CNTNAP2: variants seen among roughly 807,000 people sequenced by gnomAD.
CNTNAP2 encodes the protein contactin associated protein 2.
A neutral mutation model predicts 155.2 loss-of-function variants in CNTNAP2; 98 were observed. The ratio of observed to expected loss-of-function variants is 0.63; its 90% CI spans 0.54 to 0.75. The LOEUF (loss-of-function observed/expected upper bound fraction) is 0.75, where lower values mean the gene tolerates loss of function less well. Among genes scored for constraint, CNTNAP2 ranks in the 30% least tolerant of loss-of-function variants. The pLI is 0.00. For missense variants in CNTNAP2, 1,727 were observed against 1,688.1 expected, an observed-to-expected ratio of 1.02 and a Z score of -0.40; for synonymous variants, 651 against 631.2, an observed-to-expected ratio of 1.03 and a Z score of -0.47.
At chr7:148,127,589 C>T (rs1284637017) in intron 16 of CNTNAP2, among the ~76,000 whole-genome samples, 3 of 152,144 alleles carry the variant, frequency 2.0e-5, no homozygotes, top group East Asian at 3.9e-4. Flanking sequence ...AAGATGCAGC[C>T]TTATGCAATA....
chr7:148,077,608 C>T (rs1012302953), intron 15 of CNTNAP2, among the ~76,000 whole-genome samples: 2 of 152,090 alleles, frequency 1.3e-5, no homozygotes, highest in South Asian at 4.2e-4. Flanking sequence ...AGAATTAGTA[C>T]GTTGTTTGTT....
chr7:147,053,130 A>C (rs1292079992), intron 4 of CNTNAP2, among the ~76,000 whole-genome samples: 4 of 152,056 alleles, frequency 2.6e-5, no homozygotes, highest in African/African-American at 9.7e-5. Flanking sequence ...CTAATGATGA[A>C]AGTGCACATG....
rs113252544 is a variant in CNTNAP2, at chr7:147,039,684, A to G, written c.403-4223A>G. On this transcript the variant is annotated intron_variant, in intron 3 of 23. Coordinates refer to ENST00000361727, the MANE Select transcript of CNTNAP2 (RefSeq NM_014141.6). ...GAATGATTTATATTCCTCTGAGTATATTCCCCATAATGGGATTGCTGGGTC... is the reference window on the plus strand; with the variant it reads ...GAATGATTTATATTCCTCTGAGTATGTTCCCCATAATGGGATTGCTGGGTC... Among the ~76,000 whole-genome samples, 1,096 of 151,942 alleles carry G rather than the reference A, an allele frequency of 7.2e-3. 4 individuals carry two copies. Among genetic ancestry groups the G allele is most frequent in the Non-Finnish European group, 9.8e-3 (663 of 67,998 alleles).
chr7:147,035,050 T>G (rs1799127470), intron 3 of CNTNAP2, among the ~76,000 whole-genome samples: 2 of 152,164 alleles, frequency 1.3e-5, no homozygotes, highest in South Asian at 4.1e-4. Context: ...TCGCATTCTG[T>G]TTTGACCAGA....
At chr7:146,431,662 C>T (rs1291206732) in intron 1 of CNTNAP2, among the ~76,000 whole-genome samples, 2 of 151,908 alleles carry the variant, frequency 1.3e-5, no homozygotes, top group African/African-American at 2.4e-5. Context: ...GAGAAGACTG[C>T]GTTATCATAA....
intron 2 of CNTNAP2, among the ~76,000 whole-genome samples, chr7:146,779,605 A>G (rs1232383675): frequency 2.6e-5 from 4 of 152,162 alleles, no homozygotes; most frequent in African/African-American, 9.7e-5. Context: ...ACTAATGTAG[A>G]TCCTGAATAA....
At chr7:147,308,422 C>A (rs578078232) in intron 9 of CNTNAP2, among the ~76,000 whole-genome samples, 1 of 152,112 alleles carries the variant, frequency 6.6e-6, no homozygotes, top group African/African-American at 2.4e-5. Flanking sequence ...GAAAGAAAAT[C>A]GACTAGATTG....
At chr7:146,367,124 A>C (rs1795166934) in intron 1 of CNTNAP2, among the ~76,000 whole-genome samples, 1 of 152,184 alleles carries the variant, frequency 6.6e-6, no homozygotes, top group Non-Finnish European at 1.5e-5. Flanking sequence ...GCATGATTTC[A>C]TCCTTTAGCC....
intron 13 of CNTNAP2, among the ~76,000 whole-genome samples, chr7:147,833,944 G>A (rs891927214): frequency 6.6e-6 from 1 of 152,114 alleles, no homozygotes; most frequent in African/African-American, 2.4e-5. Context: ...GTGAACAAGA[G>A]GGAGGGGACG....
intron 1 of CNTNAP2, among the ~76,000 whole-genome samples, chr7:146,630,176 A>G (rs915187828): frequency 6.6e-6 from 1 of 151,760 alleles, no homozygotes; most frequent in African/African-American, 2.4e-5. Flanking sequence ...ATGTTCCCCT[A>G]CCTGTGTCCA....
At chr7:146,574,532 C>G (rs1400256640) in intron 1 of CNTNAP2, among the ~76,000 whole-genome samples, 1 of 152,058 alleles carries the variant, frequency 6.6e-6, no homozygotes, top group Non-Finnish European at 1.5e-5. Context: ...GAGACTCCGT[C>G]TCTACTAAAA....
chr7:146,855,279 C>A (rs1794952558), intron 3 of CNTNAP2, among the ~76,000 whole-genome samples: 1 of 152,044 alleles, frequency 6.6e-6, no homozygotes, highest in African/African-American at 2.4e-5. Flanking sequence ...TTGGCAATAC[C>A]CAGCAGAACT....
chr7:146,348,197 T>C (rs1794846268), intron 1 of CNTNAP2, among the ~76,000 whole-genome samples: 1 of 151,890 alleles, frequency 6.6e-6, no homozygotes, highest in South Asian at 2.1e-4. Context: ...AGTGGGCGAG[T>C]CACCTGAAGT....
intron 1 of CNTNAP2, among the ~76,000 whole-genome samples, chr7:146,363,380 G>A (rs1315473111): frequency 6.6e-6 from 1 of 151,902 alleles, no homozygotes; most frequent in Non-Finnish European, 1.5e-5. Context: ...ACTGTTAAAG[G>A]TTGTGCATAA....
chr7:148,025,952 C>T (rs757145766), intron 15 of CNTNAP2, among the ~76,000 whole-genome samples: 2 of 152,172 alleles, frequency 1.3e-5, no homozygotes, highest in African/African-American at 4.8e-5. Flanking sequence ...GCTAATATAT[C>T]GGTATGGGAC....
intron 1 of CNTNAP2, among the ~76,000 whole-genome samples, chr7:146,249,956 C>T (rs1431447324): frequency 3.3e-5 from 5 of 152,080 alleles, no homozygotes; most frequent in African/African-American, 4.8e-5. Context: ...AACATTTTCT[C>T]TTCATTGTTT....
intron 9 of CNTNAP2, among the ~76,000 whole-genome samples, chr7:147,394,032 C>G (rs2116450488): frequency 6.6e-6 from 1 of 152,090 alleles, no homozygotes; most frequent in Admixed American, 6.6e-5. Context: ...GGCTGTGTCT[C>G]CACCCAAATC....
intron 16 of CNTNAP2, among the ~76,000 whole-genome samples, chr7:148,122,345 C>G (rs367619759): frequency 1.2e-4 from 19 of 152,312 alleles, no homozygotes; most frequent in Middle Eastern, 6.8e-3. Context: ...TTAAACCTGA[C>G]TGGCTTGACA....
chr7:146,440,147 A>G (rs1001322494), intron 1 of CNTNAP2, among the ~76,000 whole-genome samples: 1 of 151,704 alleles, frequency 6.6e-6, no homozygotes, highest in East Asian at 1.9e-4. Flanking sequence ...ACAAAACAAA[A>G]AATCTGTCCT....
Sources: gnomAD v4.1 joint callset for allele counts (sites outside exome capture counted in the v4.1 genomes callset) on GRCh38, gnomAD v4.1.1 for gene constraint, MANE v1.5 for transcripts, NCBI Gene and HGNC (gene_info 2026-07-23, HGNC 2026-07-21) for gene names.